RPS6KC1: variants seen among roughly 807,000 people sequenced by gnomAD.
RPS6KC1 encodes the protein ribosomal protein S6 kinase C1.
A neutral mutation model predicts 103.8 loss-of-function variants in RPS6KC1; 54 were observed. That is an observed-to-expected ratio of 0.52 (90% CI 0.42 to 0.65). The LOEUF (loss-of-function observed/expected upper bound fraction) is 0.65. Among genes scored for constraint, RPS6KC1 ranks in the 30% least tolerant of loss-of-function variants. The pLI, the probability that RPS6KC1 is intolerant of heterozygous loss-of-function variation, is 0.00. For missense variants in RPS6KC1, 1,151 were observed against 1,253.8 expected (o/e 0.92, Z 1.24); for synonymous variants, 439 against 438.7 (o/e 1.00, Z -0.01).
At chr1:213,275,108 G>T (rs140540280), downstream of RPS6KC1, among the ~76,000 whole-genome samples, 226 of 152,230 alleles carry the variant, frequency 1.5e-3, no homozygotes, top group African/African-American at 4.7e-3. Flanking sequence ...AGTTTTCAAG[G>T]TTCGTCCATG....
the RPS6KC1 span, among the ~76,000 whole-genome samples, chr1:213,757,067 C>T: frequency 6.6e-6 from 1 of 152,116 alleles, no homozygotes; most frequent in South Asian, 2.1e-4. Context: ...ATGGTTGTTC[C>T]ACCATCTCTC....
the RPS6KC1 span, among the ~76,000 whole-genome samples, chr1:213,528,193 C>T: frequency 6.6e-6 from 1 of 152,152 alleles, no homozygotes; most frequent in Non-Finnish European, 1.5e-5. Context: ...AATTGACTCA[C>T]AGTTCAGCAT....
the RPS6KC1 span, among the ~76,000 whole-genome samples, chr1:213,557,288 T>TC: frequency 9.8e-4 from 150 of 152,328 alleles, no homozygotes; most frequent in Non-Finnish European, 1.7e-3. Flanking sequence ...TTCTTGAGTT[T>TC]CCAGGCCTGG....
the RPS6KC1 span, among the ~76,000 whole-genome samples, chr1:213,580,491 G>A: frequency 0.044 from 6,725 of 152,202 alleles, 233 homozygotes; most frequent in East Asian, 0.11. Flanking sequence ...TAAAGCAGTG[G>A]TAGGGTTTGA....
intron 8 of RPS6KC1, among the ~76,000 whole-genome samples, chr1:213,203,681 A>G (rs1476104902): frequency 6.6e-6 from 1 of 152,182 alleles, no homozygotes; most frequent in Admixed American, 6.5e-5. Flanking sequence ...GAAAAATCAA[A>G]CAATAAGCTA....
At chr1:213,089,001 G>A (rs1483150401) in intron 3 of RPS6KC1, among the ~76,000 whole-genome samples, 2 of 152,108 alleles carry the variant, frequency 1.3e-5, no homozygotes, top group African/African-American at 4.8e-5. Context: ...ATCATCAAAA[G>A]CTTATTGCTA....
the RPS6KC1 span, among the ~76,000 whole-genome samples, chr1:213,733,838 A>G: frequency 6.6e-6 from 1 of 152,188 alleles, no homozygotes; most frequent in Non-Finnish European, 1.5e-5. Flanking sequence ...CTTGGCTTTC[A>G]CTAAGAAATG....
chr1:213,572,762 A>G, the RPS6KC1 span, among the ~76,000 whole-genome samples: 1 of 152,216 alleles, frequency 6.6e-6, no homozygotes, highest in Non-Finnish European at 1.5e-5. Context: ...TGAAGGCTTT[A>G]TCCAAGCATA....
At chr1:213,054,582 T>C (rs2077187688) in intron 1 of RPS6KC1, among the ~76,000 whole-genome samples, 1 of 152,216 alleles carries the variant, frequency 6.6e-6, no homozygotes, top group Admixed American at 6.5e-5. Flanking sequence ...AGGAACAATT[T>C]TCTATATTTT....
At chr1:213,741,327 G>A in the RPS6KC1 span, among the ~76,000 whole-genome samples, 4 of 151,994 alleles carry the variant, frequency 2.6e-5, no homozygotes, top group Non-Finnish European at 4.4e-5. Flanking sequence ...GTCACCAGAA[G>A]CAATGTTTTT....
chr1:213,268,526 C>T (rs1036691904), intron 14 of RPS6KC1, among the ~76,000 whole-genome samples: 1 of 147,400 alleles, frequency 6.8e-6, no homozygotes, highest in African/African-American at 2.5e-5. Flanking sequence ...ATAGAAAAGA[C>T]AAAAAAATAT....
the RPS6KC1 span, among the ~76,000 whole-genome samples, chr1:213,363,755 CTCTCTT>C: frequency 2.5e-5 from 2 of 80,990 alleles, no homozygotes; most frequent in African/African-American, 1.0e-4. Context: ...CTTTCTCTTT[CTCTCTT>C]CTTTCTTTCT....
intron 1 of RPS6KC1, among the ~76,000 whole-genome samples, chr1:213,061,087 T>C (rs538193929): frequency 6.6e-6 from 1 of 152,284 alleles, no homozygotes; most frequent in East Asian, 1.9e-4. Context: ...GTCTTTTTCT[T>C]GTAAGCGCAG....
intron 12 of RPS6KC1, among the ~76,000 whole-genome samples, chr1:213,251,050 A>C (rs1350665581): frequency 6.6e-6 from 1 of 151,588 alleles, no homozygotes; most frequent in Non-Finnish European, 1.5e-5. Context: ...GGATAGAAAA[A>C]ACCTTGAGTT....
Position 213,240,937 on chromosome 1 carries a change from A to G in RPS6KC1, c.1461A>G (p.Glu487=). 1 of 1,613,874 alleles carries G rather than the reference A, an allele frequency of 6.2e-7. No homozygotes were observed. The highest frequency in any genetic ancestry group is 8.5e-7 in the Non-Finnish European group (1 of 1,179,920). Residue 487 remains glutamate, a synonymous_variant, in exon 11 of 15, where the codon GAA becomes GAG. Transcript: ENST00000366960. ...TPSSQDDSNQ[E]DDGQDSSPKW... is the part of the protein sequence containing the mutation. ...GTTCTCAAGATGACAGCAACCAGGA[A>G]GATGATGGCCAAGATAGCTCTCCAA...
At chr1:213,292,723 C>T in the RPS6KC1 span, among the ~76,000 whole-genome samples, 11 of 152,104 alleles carry the variant, frequency 7.2e-5, no homozygotes, top group African/African-American at 1.9e-4. Flanking sequence ...GGAATAGAGG[C>T]GGTAGGATTA....
chr1:213,759,064 T>C, the RPS6KC1 span, among the ~76,000 whole-genome samples: 1 of 152,174 alleles, frequency 6.6e-6, no homozygotes, highest in Non-Finnish European at 1.5e-5. Flanking sequence ...AGTCCATTGG[T>C]GCAGCGAACT....
chr1:213,393,658 G>A, the RPS6KC1 span, among the ~76,000 whole-genome samples: 1 of 152,196 alleles, frequency 6.6e-6, no homozygotes, highest in Admixed American at 6.5e-5. Context: ...ATGACTATGA[G>A]ATTGTCATAT....
intron 8 of RPS6KC1, chr1:213,205,210 C>T (rs2093302653): frequency 1.0e-6 from 1 of 981,872 alleles, no homozygotes; most frequent in Non-Finnish European, 1.2e-6. Flanking sequence ...GTACTTTCTA[C>T]TTTTTAATCT....
Sources: allele counts gnomAD v4.1 joint callset (sites outside exome capture counted in the v4.1 genomes callset), GRCh38; gene constraint gnomAD v4.1.1; transcripts MANE v1.5; gene names NCBI Gene and HGNC (gene_info 2026-07-23, HGNC 2026-07-21).